The following NTRK3 variants were observed in gnomAD, a reference collection of about 807,000 sequenced individuals.
NTRK3 encodes the protein NT-3 growth factor receptor.
In NTRK3, 24 loss-of-function variants were observed where a neutral mutation model predicts 91.7. The ratio of observed to expected loss-of-function variants is 0.26; its 90% CI spans 0.19 to 0.37. NTRK3 has a LOEUF of 0.37. NTRK3 is among the 10% of genes least tolerant of loss of function. The probability of loss-of-function intolerance (pLI) is 1.00; values close to 1 mark genes in which losing one functional copy is unlikely to be tolerated. For missense variants in NTRK3, 880 were observed against 1,068.9 expected (o/e 0.82, Z 2.46); for synonymous variants, 483 against 404.0 (o/e 1.20, Z -2.34).
intron 13 of NTRK3, among the ~76,000 whole-genome samples, chr15:88,112,710 G>A (rs563925724): frequency 6.6e-6 from 1 of 152,328 alleles, no homozygotes; most frequent in East Asian, 1.9e-4. Flanking sequence ...CTTGGTCCCA[G>A]TGATGGGAGA....
intron 5 of NTRK3, among the ~76,000 whole-genome samples, chr15:88,166,235 A>T (rs1441702909): frequency 6.6e-6 from 1 of 152,158 alleles, no homozygotes; most frequent in East Asian, 1.9e-4. Flanking sequence ...GTCATAAATC[A>T]CAATCCTCGT....
At chr15:88,161,964 C>T (rs568712897) in intron 5 of NTRK3, among the ~76,000 whole-genome samples, 72 of 152,248 alleles carry the variant, frequency 4.7e-4, no homozygotes, top group African/African-American at 1.6e-3. Context: ...CTGTGTACAT[C>T]AGAGCAAAAT....
At chr15:88,154,381 C>T (rs2043689839) in intron 5 of NTRK3, among the ~76,000 whole-genome samples, 1 of 152,182 alleles carries the variant, frequency 6.6e-6, no homozygotes, top group African/African-American at 2.4e-5. Flanking sequence ...CAAGGAGGGC[C>T]CATGAGCCAA....
intron 14 of NTRK3, among the ~76,000 whole-genome samples, chr15:88,005,120 G>GT (rs1271416330): frequency 2.0e-5 from 3 of 152,024 alleles, no homozygotes; most frequent in African/African-American, 4.8e-5. Flanking sequence ...TATTGATTTG[G>GT]GTCTCTTTGC....
intron 17 of NTRK3, among the ~76,000 whole-genome samples, chr15:87,894,983 G>T (rs1363025260): frequency 6.6e-6 from 1 of 152,142 alleles, no homozygotes; most frequent in Non-Finnish European, 1.5e-5. Context: ...GATATCATCT[G>T]GATTCCTGGT....
At chr15:88,121,076 G>C (rs2052651842) in intron 13 of NTRK3, among the ~76,000 whole-genome samples, 1 of 149,572 alleles carries the variant, frequency 6.7e-6, no homozygotes, top group African/African-American at 2.5e-5. Flanking sequence ...AAGAGGAAAA[G>C]AGGCCAAATA....
At chr15:87,903,808 GA>G (rs1226484097) in intron 17 of NTRK3, among the ~76,000 whole-genome samples, 5 of 152,192 alleles carry the variant, frequency 3.3e-5, no homozygotes, top group African/African-American at 1.2e-4. Flanking sequence ...GAAAAGGGGG[GA>G]AACCACATTC....
intron 17 of NTRK3, among the ~76,000 whole-genome samples, chr15:87,893,650 C>T (rs963986089): frequency 7.9e-5 from 12 of 152,264 alleles, no homozygotes; most frequent in South Asian, 2.1e-4. Flanking sequence ...CTCAGGCTTC[C>T]GCATCTAATT....
chr15:87,882,327 T>C (rs779241266), intron 17 of NTRK3, among the ~76,000 whole-genome samples: 3 of 152,160 alleles, frequency 2.0e-5, no homozygotes, highest in South Asian at 2.1e-4. Flanking sequence ...TCAGAAAATA[T>C]AGGAGCCAAG....
chr15:88,129,494 T>C (rs983258834), intron 10 of NTRK3, among the ~76,000 whole-genome samples: 3 of 152,200 alleles, frequency 2.0e-5, no homozygotes, highest in African/African-American at 7.2e-5. Flanking sequence ...CAAATCTCCG[T>C]CCAGGCTCTT....
At chr15:87,979,586 A>G (rs1205339746) in intron 14 of NTRK3, 1 of 691,732 alleles carries the variant, frequency 1.4e-6, no homozygotes, top group African/African-American at 1.8e-5. Flanking sequence ...AAGAACTGTC[A>G]GCAAAAGGGA....
intron 14 of NTRK3, among the ~76,000 whole-genome samples, chr15:87,975,139 T>G (rs2073613718): frequency 6.6e-6 from 1 of 152,202 alleles, no homozygotes; most frequent in Non-Finnish European, 1.5e-5. Context: ...ATTATTACTA[T>G]TAATGCCCCA....
intron 14 of NTRK3, among the ~76,000 whole-genome samples, chr15:88,002,168 GT>G (rs770668339): frequency 0.015 from 1,019 of 70,176 alleles, 6 homozygotes; most frequent in African/African-American, 0.024. Context: ...GATAGTGGTT[GT>G]TTTTTTTTTT....
chr15:88,013,126 C>T (rs1195461428), intron 14 of NTRK3, among the ~76,000 whole-genome samples: 36 of 66,692 alleles, frequency 5.4e-4, no homozygotes, highest in African/African-American at 1.9e-3. Context: ...CAGCTGAAAC[C>T]GTGCACTGGT....
chr15:87,867,207 G>T (rs921847835), exon 19 of NTRK3: 6 of 225,800 alleles, frequency 2.7e-5, no homozygotes, highest in African/African-American at 1.1e-4. Context: ...GATACTGATG[G>T]CTGGGAGAAC....
chr15:88,173,013 T>A (rs2045660613), intron 5 of NTRK3, among the ~76,000 whole-genome samples: 2 of 152,156 alleles, frequency 1.3e-5, no homozygotes, highest in South Asian at 4.1e-4. Flanking sequence ...CTAAGAAATA[T>A]CCATTGAAAA....
chr15:87,908,589 G>A, intron 17 of NTRK3: 1 of 399,506 alleles, frequency 2.5e-6, no homozygotes, highest in Non-Finnish European at 4.4e-6. Flanking sequence ...GGGAGAGAGT[G>A]GGAAGGGGGA....
chr15:88,126,451 A>G (rs1436700329), intron 12 of NTRK3, 78 bp from the exon 13 acceptor site: 5 of 913,182 alleles, frequency 5.5e-6, no homozygotes, highest in South Asian at 2.8e-5. Context: ...GTGTGCCCAG[A>G]TAAGAACAGT....
intron 4 of NTRK3, 108 bp from the exon 5 acceptor site, chr15:88,183,597 T>G: frequency 9.7e-7 from 1 of 1,027,192 alleles, no homozygotes; most frequent in South Asian, 1.3e-5. Flanking sequence ...GCAGCCGCCC[T>G]GTGGATTATC....
Sources: allele counts gnomAD v4.1 joint callset (sites outside exome capture counted in the v4.1 genomes callset), GRCh38; gene constraint gnomAD v4.1.1; transcripts MANE v1.5; gene names NCBI Gene and HGNC (gene_info 2026-07-23, HGNC 2026-07-21).